Variants in PCDHA6 observed in about 807,000 individuals in gnomAD.
PCDHA6 encodes protocadherin alpha 6.
A neutral mutation model predicts 60.3 loss-of-function variants in PCDHA6; 55 were observed. That is an observed-to-expected ratio of 0.91 (90% CI 0.73 to 1.14). PCDHA6 has a LOEUF of 1.14. Among genes scored for constraint, PCDHA6 ranks in the 50% most tolerant of loss-of-function variants. The pLI is 0.00. For missense variants in PCDHA6, 1,327 were observed against 1,256.5 expected, an observed-to-expected ratio of 1.06 and a Z score of -0.85; for synonymous variants, 652 against 557.9, an observed-to-expected ratio of 1.17 and a Z score of -2.38.
intron 1 of PCDHA6, among the ~76,000 whole-genome samples, chr5:140,909,495 G>A (rs532080413): frequency 7.2e-5 from 11 of 152,278 alleles, no homozygotes; most frequent in African/African-American, 2.6e-4. Context: ...AGCTGAACGG[G>A]GATGTGGTGG....
At chr5:140,925,052 A>G (rs1221049582) in intron 1 of PCDHA6, among the ~76,000 whole-genome samples, 1 of 151,720 alleles carries the variant, frequency 6.6e-6, no homozygotes, top group African/African-American at 2.4e-5. Context: ...TTGAGACCAG[A>G]CTGGGCAACA....
At chr5:140,884,410 G>GT in intron 1 of PCDHA6, 1 of 1,614,008 alleles carries the variant, frequency 6.2e-7, no homozygotes, top group Non-Finnish European at 8.5e-7. Context: ...TGGTGCTCAC[G>GT]TTGCTGCTGT....
chr5:140,924,785 C>G (rs2082005933), intron 1 of PCDHA6, among the ~76,000 whole-genome samples: 1 of 151,704 alleles, frequency 6.6e-6, no homozygotes, highest in African/African-American at 2.4e-5. Context: ...GTCCTAGCTA[C>G]TTAGGAGGCT....
intron 1 of PCDHA6, chr5:140,850,605 A>T (rs2041706241): frequency 6.3e-7 from 1 of 1,598,464 alleles, no homozygotes; most frequent in African/African-American, 1.3e-5. Flanking sequence ...GATCATCGCC[A>T]TCTGCGCGGT....
rs2150182953 is a variant in PCDHA6, at chr5:140,830,221, G to T, written c.2130G>T (p.Leu710=). 6.2e-7 allele frequency: 1 copy of T among 1,613,892 alleles called. No homozygotes were observed. The highest frequency in any genetic ancestry group is 1.1e-5 in the South Asian group (1 of 91,086). ...LIIAICAVSS[L]LVLTLLLYTA... ...TCGCCATCTGCGCGGTATCCAGCCT[G>T]CTGGTCCTCACGCTACTGCTGTACA... Residue 710 remains leucine, a synonymous_variant, in exon 1 of 4, where the codon CTG becomes CTT. Coordinates refer to ENST00000529310, the MANE Select transcript of PCDHA6 (RefSeq NM_018909.4).
At chr5:140,879,086 A>G (rs1182722619) in intron 1 of PCDHA6, among the ~76,000 whole-genome samples, 2 of 152,226 alleles carry the variant, frequency 1.3e-5, no homozygotes, top group Admixed American at 6.5e-5. Context: ...ATAAGTAGGA[A>G]CAACTGCACA....
rs2150166927 is a variant in PCDHA6, at chr5:140,829,387, G to A, written c.1296G>A (p.Ser432=). Residue 432 remains serine, a synonymous_variant, in exon 1 of 4, where the codon TCG becomes TCA. Coordinates refer to ENST00000529310, the MANE Select transcript of PCDHA6 (RefSeq NM_018909.4). The part of the protein sequence containing the change: ...ELVVTARDGG[S]PSLWATASLS... ...TGGTAACCGCGCGGGACGGGGGCTC[G>A]CCTTCGCTGTGGGCCACCGCCAGCT... 10 of 1,614,054 alleles carry A rather than the reference G, an allele frequency of 6.2e-6. No individual in the cohort carries two copies. The Admixed American group carries it at 1.2e-4, about 19-fold the overall frequency.
At chr5:140,988,007 A>G (rs2097277966) in intron 3 of PCDHA6, among the ~76,000 whole-genome samples, 1 of 152,230 alleles carries the variant, frequency 6.6e-6, no homozygotes, top group Non-Finnish European at 1.5e-5. Context: ...TTCCCCAGAA[A>G]GAAAGCATGA....
Position 140,882,649 on chromosome 5 carries a change from C to T in PCDHA6, c.2394+52164C>T, listed in dbSNP as rs559940161. On this transcript the variant is annotated intron_variant, in intron 1 of 3. Transcript: ENST00000529310. ...TGGAGGTGAAGGTGAGGGACATTAA[C>T]GACAACCCGCCCATATTCCCTGAAA... The T allele has an allele frequency of 6.2e-6, 10 of 1,614,214 alleles. No individual in the cohort carries two copies. In the African/African-American group the frequency reaches 1.1e-4, roughly 17 times the overall value.
intron 1 of PCDHA6, among the ~76,000 whole-genome samples, chr5:140,901,220 TC>T (rs1383510008): frequency 6.6e-6 from 1 of 152,200 alleles, no homozygotes; most frequent in Non-Finnish European, 1.5e-5. Context: ...GTTGATGTGA[TC>T]CCATATATCC....
chr5:140,875,832 C>T, intron 1 of PCDHA6: 1 of 1,614,086 alleles, frequency 6.2e-7, no homozygotes, highest in Middle Eastern at 1.6e-4. Flanking sequence ...TCCATGTGGA[C>T]GTGGAGGTGA....
chr5:140,872,792 G>T (rs1474880199), intron 1 of PCDHA6, among the ~76,000 whole-genome samples: 1 of 152,054 alleles, frequency 6.6e-6, no homozygotes, highest in African/African-American at 2.4e-5. Context: ...ATGCTAGTTG[G>T]CATTCTTCCA....
chr5:140,987,004 A>G (rs2097221558), intron 3 of PCDHA6, among the ~76,000 whole-genome samples: 2 of 152,242 alleles, frequency 1.3e-5, no homozygotes, highest in Non-Finnish European at 2.9e-5. Flanking sequence ...ACTTGAGGTC[A>G]TGAGTTCGAG....
rs782444555 is a variant in PCDHA6, at chr5:140,883,708, G to C, written c.2394+53223G>C. 1.2e-6 allele frequency: 2 copies of C among 1,613,664 alleles called. No homozygotes were observed. The highest frequency in any genetic ancestry group is 1.7e-6 in the Non-Finnish European group (2 of 1,179,838). On this transcript the variant is annotated intron_variant, in intron 1 of 3. Coordinates refer to ENST00000529310, the MANE Select transcript of PCDHA6 (RefSeq NM_018909.4). ...GCCACATCTTCACGGTGTCTGCTCA[G>C]GACGCGGACGCACAGGAGAACGCGC...
rs1770810347 is a variant in PCDHA6 at position 140,830,094 on chromosome 5, C to A, written c.2003C>A (p.Ser668Ter). 1.2e-6 allele frequency: 2 copies of A among 1,613,470 alleles called. No individual in the cohort carries two copies. The highest frequency in any genetic ancestry group is 8.5e-7 in the Non-Finnish European group (1 of 1,179,892). The change falls in exon 1 of 4, where the codon TCG (serine) becomes TAG (stop). Residue 668 changes from serine to a stop codon, truncating the protein, a stop_gained. Coordinates refer to ENST00000529310, the MANE Select transcript of PCDHA6 (RefSeq NM_018909.4). LOFTEE classifies it high-confidence loss of function. The part of the protein sequence containing the change: ...ALTATATVLV[S>*]LVESGQAPKA... ...ACAGCGACGGCCACGGTTCTGGTGT[C>A]GCTGGTGGAGAGTGGCCAGGCTCCA...
chr5:140,951,548 G>A (rs1314618918), intron 1 of PCDHA6, among the ~76,000 whole-genome samples: 1 of 151,910 alleles, frequency 6.6e-6, no homozygotes, highest in African/African-American at 2.4e-5. Flanking sequence ...AGGGACGGGG[G>A]GAAGTGCTAC....
At position 140,858,879 on chromosome 5, in the gene PCDHA6, CATGTGTAGAAT is replaced by C. The variant is rs2045639159; in HGVS notation, c.2394+28403_2394+28413del. On this transcript the variant is annotated intron_variant, in intron 1 of 3. Transcript: ENST00000529310. ...TCTTCAGTGAAAATGTGTTTTCCTC[CATGTGTAGAAT>C]ATGTGTAGCGTACCACAGCTTATAC... 2.9e-5 allele frequency: 7 copies of C among 243,802 alleles called. No homozygotes were observed. In the South Asian group the frequency reaches 3.1e-4, roughly 11 times the overall value. The allele number at this position is 243,802 out of a possible 1,614,324, so 15.1% of individuals were successfully genotyped here. A position where few individuals can be genotyped will look rare whatever the true frequency, so the allele number is the denominator to read the frequency against.
At chr5:140,915,445 G>C (rs2077121673) in intron 1 of PCDHA6, among the ~76,000 whole-genome samples, 1 of 152,024 alleles carries the variant, frequency 6.6e-6, no homozygotes, top group Non-Finnish European at 1.5e-5. Context: ...TTCTTGAGAA[G>C]GTTTTCCAGA....
chr5:140,978,820 T>C (rs2096824926), intron 1 of PCDHA6, 129 bp from the exon 2 acceptor site: 1 of 1,517,496 alleles, frequency 6.6e-7, no homozygotes, highest in East Asian at 2.4e-5. Context: ...GAGTTACACA[T>C]GAAATGGCTC....
Sources: allele counts gnomAD v4.1 joint callset (sites outside exome capture counted in the v4.1 genomes callset), GRCh38; gene constraint gnomAD v4.1.1; transcripts MANE v1.5; gene names NCBI Gene and HGNC (gene_info 2026-07-23, HGNC 2026-07-21).